SPADH: variants seen among roughly 807,000 people sequenced by gnomAD.
SPADH encodes CUB domain-containing protein.
At chr10:122,675,453 G>T in the SPADH span, among the ~76,000 whole-genome samples, 8 of 152,134 alleles carry the variant, frequency 5.3e-5, no homozygotes, top group Non-Finnish European at 1.0e-4. Context: ...GGGTAACCCA[G>T]GGCTGTTCCC....
chr10:122,678,790 G>A, the SPADH span: 1 of 461,846 alleles, frequency 2.2e-6, no homozygotes, highest in Non-Finnish European at 2.8e-6. Flanking sequence ...GAGGGAGGTG[G>A]CAGCCTGGCT....
the SPADH span, among the ~76,000 whole-genome samples, chr10:122,676,154 C>T: frequency 7.9e-5 from 12 of 152,348 alleles, no homozygotes; most frequent in East Asian, 1.4e-3. Flanking sequence ...CAGTTTCTTG[C>T]GATGCAGGGT....
the SPADH span, chr10:122,676,989 A>G: frequency 2.9e-5 from 24 of 832,700 alleles, no homozygotes; most frequent in Non-Finnish European, 3.5e-5. Flanking sequence ...CCTATCCATG[A>G]CAGCCATTTG....
the SPADH span, among the ~76,000 whole-genome samples, chr10:122,674,594 G>T: frequency 6.6e-6 from 1 of 152,234 alleles, no homozygotes; most frequent in African/African-American, 2.4e-5. Context: ...ATAGTCTCAG[G>T]CTCAGGAAGG....
the SPADH span, chr10:122,679,043 C>A: frequency 1.0e-6 from 1 of 984,222 alleles, no homozygotes; most frequent in Non-Finnish European, 1.2e-6. Flanking sequence ...TTGGTCAACA[C>A]ATTAATAGGA....
At chr10:122,675,528 G>C in the SPADH span, 1 of 225,238 alleles carries the variant, frequency 4.4e-6, no homozygotes, top group East Asian at 1.8e-4. Context: ...GCTCAGCTCT[G>C]TCCCTTTGCA....
the SPADH span, chr10:122,672,917 G>A: frequency 2.0e-6 from 2 of 985,378 alleles, no homozygotes; most frequent in East Asian, 2.3e-4. Context: ...GGCCGCTGCT[G>A]TGCAGTATAG....
the SPADH span, chr10:122,676,703 T>C: frequency 1.0e-6 from 1 of 984,970 alleles, no homozygotes; most frequent in Non-Finnish European, 1.2e-6. Context: ...CACAAGCCAA[T>C]CCCAGACCTA....
At chr10:122,676,294 G>A in the SPADH span, among the ~76,000 whole-genome samples, 6 of 152,224 alleles carry the variant, frequency 3.9e-5, no homozygotes, top group African/African-American at 7.2e-5. Context: ...TCACACTTTC[G>A]GAGCCTGAGG....
chr10:122,676,705 C>A, the SPADH span: 3 of 985,068 alleles, frequency 3.0e-6, no homozygotes, highest in African/African-American at 3.5e-5. Context: ...CAAGCCAATC[C>A]CAGACCTAGA....
At chr10:122,672,924 A>G in the SPADH span, 1 of 985,454 alleles carries the variant, frequency 1.0e-6, no homozygotes, top group Non-Finnish European at 1.2e-6. Context: ...GCTGTGCAGT[A>G]TAGGTAACGC....
the SPADH span, chr10:122,676,657 T>C: frequency 1.1e-6 from 1 of 904,552 alleles, no homozygotes; most frequent in East Asian, 1.2e-4. Context: ...GATGGGAAGT[T>C]GGGAGAATCA....
At chr10:122,678,378 C>T in the SPADH span, among the ~76,000 whole-genome samples, 11 of 152,202 alleles carry the variant, frequency 7.2e-5, no homozygotes, top group Non-Finnish European at 1.5e-5. Flanking sequence ...CTTCCTGTCC[C>T]ATCTGCCAGG....
the SPADH span, among the ~76,000 whole-genome samples, chr10:122,676,056 G>A: frequency 6.6e-6 from 1 of 152,216 alleles, no homozygotes; most frequent in East Asian, 1.9e-4. Flanking sequence ...TCAGAAAACT[G>A]CTCCTCCCTC....
At chr10:122,674,243 T>G in the SPADH span, among the ~76,000 whole-genome samples, 1 of 151,994 alleles carries the variant, frequency 6.6e-6, no homozygotes, top group African/African-American at 2.4e-5. Context: ...TTGTGAGGAG[T>G]TAGTGAAGCA....
the SPADH span, among the ~76,000 whole-genome samples, chr10:122,678,613 G>T: frequency 6.6e-6 from 1 of 152,324 alleles, no homozygotes; most frequent in African/African-American, 2.4e-5. Context: ...AGACTGGGAA[G>T]CCACCTGCTG....
At chr10:122,677,428 G>A in the SPADH span, among the ~76,000 whole-genome samples, 1 of 152,178 alleles carries the variant, frequency 6.6e-6, no homozygotes, top group Non-Finnish European at 1.5e-5. Flanking sequence ...GCTCTACACT[G>A]AATTTATAGT....
the SPADH span, chr10:122,679,126 G>A: frequency 6.1e-6 from 3 of 495,400 alleles, no homozygotes; most frequent in Admixed American, 6.4e-5. Flanking sequence ...GTTGGACAGA[G>A]GCTATACCTG....
the SPADH span, among the ~76,000 whole-genome samples, chr10:122,679,410 T>C: frequency 6.6e-6 from 1 of 151,962 alleles, no homozygotes; most frequent in East Asian, 1.9e-4. Context: ...GCAAAGTGAG[T>C]AGTATATGAA....
Sources: gnomAD v4.1 joint callset for allele counts (sites outside exome capture counted in the v4.1 genomes callset) on GRCh38, gnomAD v4.1.1 for gene constraint, MANE v1.5 for transcripts, NCBI Gene and HGNC (gene_info 2026-07-23, HGNC 2026-07-21) for gene names.